Variants in RBM4 observed in about 807,000 individuals in gnomAD.
RBM4 encodes the protein RNA binding motif protein 4, also known as RNA-binding protein 4.
RBM4 carries 7 observed loss-of-function variants against 29.5 expected under a neutral mutation model. The observed-to-expected ratio is 0.24, with a 90% CI of 0.14 to 0.45. The LOEUF (loss-of-function observed/expected upper bound fraction) is 0.45, where lower values mean the gene tolerates loss of function less well. Among genes scored for constraint, RBM4 ranks in the 20% least tolerant of loss-of-function variants. The probability of loss-of-function intolerance (pLI) is 1.00; values close to 1 mark genes in which losing one functional copy is unlikely to be tolerated. For synonymous variants in RBM4, 220 were observed against 205.4 expected, an observed-to-expected ratio of 1.07 and a Z score of -0.61; for missense variants, 387 against 502.3, an observed-to-expected ratio of 0.77 and a Z score of 2.19.
Position 66,644,055 on chromosome 11 carries a change from G to A in RBM4, c.1018G>A (p.Ala340Thr), listed in dbSNP as rs760916903. The A allele has an allele frequency of 1.2e-5, 20 of 1,613,886 alleles. No homozygotes were observed. Among genetic ancestry groups the A allele is most frequent in the Middle Eastern group, 1.6e-4 (1 of 6,084 alleles). The change falls in exon 3 of 4, where the codon GCG (alanine) becomes ACG (threonine). Residue 340 changes from alanine (A) to threonine (T), a missense_variant. By Grantham distance (58) the Ala-to-Thr change is moderately conservative. Transcript: ENST00000310092. ...TGAGTTGTCCCAAGCTTCAGCAGCC[G>A]CGCGGAATTCTCTGTACGACATGGC... Reference protein sequence around the residue: ...ESELSQASAAARNSLYDMARY... With the variant: ...ESELSQASAATRNSLYDMARY...
chr11:66,667,216 TG>T, exon 3 of RBM4: 1 of 152,348 alleles, frequency 6.6e-6, no homozygotes. Flanking sequence ...AAAGTCATAA[TG>T]CCATTTCCAC....
At chr11:66,648,247 C>G (rs1938750704), downstream of RBM4, among the ~76,000 whole-genome samples, 1 of 151,590 alleles carries the variant, frequency 6.6e-6, no homozygotes, top group Non-Finnish European at 1.5e-5. Context: ...TGGCCAGGTG[C>G]AGTGACTCAA....
chr11:66,641,848 T>C (rs897993004), intron 2 of RBM4, among the ~76,000 whole-genome samples: 31 of 152,166 alleles, frequency 2.0e-4, no homozygotes, highest in African/African-American at 7.2e-4. Flanking sequence ...ATCTTCTCTA[T>C]TGCTTGCCCA....
chr11:66,661,065 A>G (rs1163638376), intron 2 of RBM4, among the ~76,000 whole-genome samples: 1 of 152,080 alleles, frequency 6.6e-6, no homozygotes, highest in Non-Finnish European at 1.5e-5. Context: ...ACACGGTTTG[A>G]ATTTGGCCTG....
At chr11:66,665,739 AG>A (rs1939205574) in intron 2 of RBM4, 1 of 1,328,174 alleles carries the variant, frequency 7.5e-7, no homozygotes, top group Non-Finnish European at 1.0e-6. Context: ...GTAATTACCT[AG>A]GAGTCTATCA....
intron 2 of RBM4, among the ~76,000 whole-genome samples, chr11:66,656,688 TCTCA>T (rs200107960): frequency 0.019 from 2,840 of 152,264 alleles, 64 homozygotes; most frequent in Non-Finnish European, 0.024. Flanking sequence ...AAAGATGGTG[TCTCA>T]CTCTATTGCC....
chr11:66,662,446 G>C (rs1368272676), intron 2 of RBM4, among the ~76,000 whole-genome samples: 3 of 152,228 alleles, frequency 2.0e-5, no homozygotes, highest in Non-Finnish European at 4.4e-5. Flanking sequence ...CTGTTGCCCA[G>C]GCTGGAGTGC....
chr11:66,663,702 A>ATGTATG (rs1939130146), intron 2 of RBM4, among the ~76,000 whole-genome samples: 1 of 148,410 alleles, frequency 6.7e-6, no homozygotes, highest in Non-Finnish European at 1.5e-5. Context: ...GTGTGTGTAT[A>ATGTATG]TGTGTGTGTG....
chr11:66,643,339 T>G lies in RBM4; in HGVS notation c.413-111T>G. The G allele has an allele frequency of 7.4e-7, 1 of 1,352,514 alleles. No individual in the cohort carries two copies. Among genetic ancestry groups the G allele is most frequent in the Non-Finnish European group, 1.0e-6 (1 of 1,002,524 alleles). 83.8% of individuals were successfully genotyped at this position (1,352,514 alleles called of 1,614,324 possible). A position where few individuals can be genotyped will look rare whatever the true frequency, so the allele number is the denominator to read the frequency against. On this transcript the variant is annotated intron_variant, in intron 2 of 3. Transcript: ENST00000310092. The surrounding 1 kb of genome is among the most constrained non-coding windows in gnomAD (Gnocchi z 6.1). Reference sequence around the variant, plus strand: ...CTTTTTATCTTTTCCTAAAGATGAGTCCTGCATTAGAATTGTCTAGATAAA... The same window carrying G: ...CTTTTTATCTTTTCCTAAAGATGAGGCCTGCATTAGAATTGTCTAGATAAA...
chr11:66,653,869 C>A (rs956174934), intron 2 of RBM4, among the ~76,000 whole-genome samples: 4 of 148,308 alleles, frequency 2.7e-5, no homozygotes, highest in Non-Finnish European at 4.5e-5. Flanking sequence ...GATAGGGACT[C>A]ACACTTTGAA....
intron 3 of RBM4, 92 bp downstream of exon 3, chr11:66,644,232 T>C: frequency 6.7e-7 from 1 of 1,490,016 alleles, no homozygotes; most frequent in African/African-American, 1.4e-5. Context: ...GCTTGCTTGC[T>C]TTTGCAGGGT....
chr11:66,665,508 C>T lies in RBM4; in HGVS notation c.413-348C>T. 2.5e-6 allele frequency: 3 copies of T among 1,219,644 alleles called. No homozygotes were observed. The East Asian group carries it at 7.6e-5, about 31-fold the overall frequency. The allele number at this position is 1,219,644 out of a possible 1,614,324, so 75.6% of individuals were successfully genotyped here. On this transcript the variant is annotated intron_variant, in intron 2 of 2. Coordinates refer to the RBM4 transcript ENST00000396053. Reference sequence around the variant, plus strand: ...ACATGAAGCAATGGAAACATCCCGGCAAAGGGGACCGCGCGGAGCAAGTTC... The same window carrying T: ...ACATGAAGCAATGGAAACATCCCGGTAAAGGGGACCGCGCGGAGCAAGTTC...
At chr11:66,663,728 G>A (rs183280269) in intron 2 of RBM4, among the ~76,000 whole-genome samples, 58 of 151,482 alleles carry the variant, frequency 3.8e-4, no homozygotes, top group African/African-American at 1.1e-3. Context: ...GTGTGTGTGT[G>A]TATATATGTT....
intron 3 of RBM4, among the ~76,000 whole-genome samples, 163 bp from the exon 4 acceptor site, chr11:66,645,864 A>T (rs1295089117): frequency 6.6e-6 from 1 of 152,218 alleles, no homozygotes; most frequent in South Asian, 2.1e-4. Flanking sequence ...CTGGCCTTCA[A>T]GCTCTTTTCA....
chr11:66,647,378 T>C (rs1042191722), downstream of RBM4, among the ~76,000 whole-genome samples: 2 of 152,270 alleles, frequency 1.3e-5, no homozygotes. Context: ...TTAGATTCTT[T>C]CTAATCATAG....
chr11:66,643,319 T>C lies in RBM4; in HGVS notation c.413-131T>C, dbSNP rs949467147. The C allele has an allele frequency of 1.6e-6, 2 of 1,245,152 alleles. No individual in the cohort carries two copies. The highest frequency in any genetic ancestry group is 1.5e-5 in the African/African-American group (1 of 66,414). 77.1% of individuals were successfully genotyped at this position (1,245,152 alleles called of 1,614,324 possible). A position where few individuals can be genotyped will look rare whatever the true frequency, so the allele number is the denominator to read the frequency against. ...TTGAGTCTTTTTTTTTTTTCCTTTT[T>C]ATCTTTTCCTAAAGATGAGTCCTGC... On this transcript the variant is annotated intron_variant, in intron 2 of 3. Coordinates refer to ENST00000310092, the MANE Select transcript of RBM4 (RefSeq NM_002896.4). This position sits in a 1 kb window ranked among gnomAD's most constrained non-coding sequence, Gnocchi z 6.1.
intron 2 of RBM4, among the ~76,000 whole-genome samples, chr11:66,658,820 C>T (rs1939013674): frequency 1.3e-5 from 2 of 151,678 alleles, no homozygotes; most frequent in Non-Finnish European, 2.9e-5. Flanking sequence ...GCCTGTAGTC[C>T]CAGCTTCTTG....
At chr11:66,641,683 CT>C (rs1938471234) in intron 2 of RBM4, among the ~76,000 whole-genome samples, 1 of 152,138 alleles carries the variant, frequency 6.6e-6, no homozygotes, top group Admixed American at 6.6e-5. Flanking sequence ...CCTAGGTCCC[CT>C]GACACTAACC....
downstream of RBM4, among the ~76,000 whole-genome samples, chr11:66,647,957 C>T (rs913250448): frequency 2.0e-5 from 3 of 152,126 alleles, no homozygotes; most frequent in East Asian, 1.9e-4. Context: ...GTAATCTCAG[C>T]GCTTTGGGAG....
Sources: allele counts gnomAD v4.1 joint callset (sites outside exome capture counted in the v4.1 genomes callset), GRCh38; gene constraint gnomAD v4.1.1; non-coding constraint Gnocchi (gnomAD v3.1); transcripts MANE v1.5; gene names NCBI Gene and HGNC (gene_info 2026-07-23, HGNC 2026-07-21).